The following MANSC4 variants were observed in gnomAD, a reference collection of about 807,000 sequenced individuals.
MANSC4 encodes MANSC domain-containing protein 4.
In MANSC4, 11 loss-of-function variants were observed where a neutral mutation model predicts 11.4. The ratio of observed to expected loss-of-function variants is 0.97; its 90% CI spans 0.61 to 1.60. The LOEUF is 1.60. MANSC4 is among the 40% of genes most tolerant of loss of function. The probability of loss-of-function intolerance (pLI) is 0.00; values close to 1 mark genes in which losing one functional copy is unlikely to be tolerated. For missense variants in MANSC4, 354 were observed against 404.6 expected (o/e 0.88, Z 1.07); for synonymous variants, 123 against 147.1 (o/e 0.84, Z 1.19).
rs1337326171 is a variant in MANSC4, at chr12:27,766,753, A to G, written c.276T>C (p.Asn92=). The change falls in exon 3 of 4, where the codon AAT becomes AAC. Residue 92 remains asparagine, a synonymous_variant. Transcript: ENST00000381273. ...GGCAGTGAACATGGAGGCAGTTGAT[A>G]TTGTCATGAATAGGACTGTGGTAGA... The part of the protein sequence containing the change: ...AVFYHSPIHD[N]INCLHVHCPT... The G allele has an allele frequency of 2.6e-6, 4 of 1,551,744 alleles. No homozygotes were observed. In the East Asian group the frequency reaches 9.8e-5, roughly 38 times the overall value.
chr12:27,777,174 G>C (rs2062122269), intron 1 of MANSC4, among the ~76,000 whole-genome samples: 1 of 152,196 alleles, frequency 6.6e-6, no homozygotes, highest in African/African-American at 2.4e-5. Flanking sequence ...ATGTTACTGT[G>C]CTTGAATTGC....
chr12:27,775,873 T>C (rs566778301), intron 1 of MANSC4, among the ~76,000 whole-genome samples: 1 of 151,850 alleles, frequency 6.6e-6, no homozygotes, highest in East Asian at 1.9e-4. Flanking sequence ...GCGGATTACC[T>C]GAAGTTGGGA....
chr12:27,780,226 G>A lies in MANSC4; in HGVS notation c.-323C>T. ...GGCCCTCACCTCGCCGCTCCTCCCG[G>A]GCCGCCATCCCTCGGCGCCCCGCCC... On this transcript the variant is annotated 5_prime_UTR_variant, in exon 1 of 4. Transcript: ENST00000381273. This position sits in a 1 kb window ranked among gnomAD's most constrained non-coding sequence, Gnocchi z 8.8. 1.8e-6 allele frequency: 2 copies of A among 1,133,066 alleles called. No homozygotes were observed. The highest frequency in any genetic ancestry group is 1.1e-6 in the Non-Finnish European group (1 of 874,798). 70.2% of individuals were successfully genotyped at this position (1,133,066 alleles called of 1,614,324 possible).
At position 27,771,163 on chromosome 12, in the gene MANSC4, G is replaced by A. The variant is rs931926161; in HGVS notation, c.114C>T (p.Phe38=). The change falls in exon 2 of 4, where the codon TTC becomes TTT. Residue 38 remains phenylalanine (F), a synonymous_variant. Coordinates refer to ENST00000381273, the MANE Select transcript of MANSC4 (RefSeq NM_001146221.5). ...IFYRDCWIRR[F]PGLLINLEES... ...CCTCCAGATTGATTAGAAGACCTGG[G>A]AAGCGACGGATCCAGCAGTCTCTGT... 2 of 1,552,020 alleles carry A rather than the reference G, an allele frequency of 1.3e-6. No individual in the cohort carries two copies. Among genetic ancestry groups the A allele is most frequent in the East Asian group, 2.4e-5 (1 of 40,928 alleles).
Position 27,771,380 on chromosome 12 carries a change from G to A in MANSC4, c.-104C>T. The A allele has an allele frequency of 4.1e-6, 4 of 982,966 alleles. No individual in the cohort carries two copies. Among genetic ancestry groups the A allele is most frequent in the Non-Finnish European group, 5.9e-6 (4 of 674,760 alleles). 60.9% of individuals were successfully genotyped at this position (982,966 alleles called of 1,614,324 possible). On this transcript the variant is annotated 5_prime_UTR_variant, in exon 2 of 4. Coordinates refer to ENST00000381273, the MANE Select transcript of MANSC4 (RefSeq NM_001146221.5). Reference sequence around the variant, plus strand: ...TGGAACGTCAGAGGTGTTGTTAAGGGAGAGCTTCCTTGCAGCTTTTCTGGA... The same window carrying A: ...TGGAACGTCAGAGGTGTTGTTAAGGAAGAGCTTCCTTGCAGCTTTTCTGGA...
rs1355063580 is a variant in MANSC4 at position 27,766,698 on chromosome 12, CA to C, written c.330del (p.Gly111GlufsTer9). On this transcript the variant is annotated frameshift_variant, in exon 3 of 4. Transcript: ENST00000381273. LOFTEE classifies it low-confidence loss of function (END_TRUNC). ...ATGTTGTACAAAATGGCACTGGTTC[CA>C]GGCTCTAATATGCAGCTCTCCAGTG... is the stretch of plus-strand genomic sequence containing the variant. The part of the protein sequence containing the change: ...CPTLESCILE[P>X]GTSAILYNIT... 6.4e-7 allele frequency: 1 copy of C among 1,551,626 alleles called. No individual in the cohort carries two copies. Among genetic ancestry groups the C allele is most frequent in the Non-Finnish European group, 8.7e-7 (1 of 1,146,966 alleles).
chr12:27,775,024 AAAATAAATAAATAAATAAAT>A (rs71039849), intron 1 of MANSC4, among the ~76,000 whole-genome samples: 17 of 112,804 alleles, frequency 1.5e-4, no homozygotes, highest in Non-Finnish European at 1.9e-4. Flanking sequence ...ATTCCGTCTC[AAAATAAATAAATAAATAAAT>A]AAATAAATAA....
intron 2 of MANSC4, among the ~76,000 whole-genome samples, 164 bp downstream of exon 2, chr12:27,770,884 C>T (rs1355664892): frequency 6.6e-6 from 1 of 152,138 alleles, no homozygotes; most frequent in Admixed American, 6.5e-5. Context: ...ACTGTGAAAT[C>T]AGTTTCACTG....
At position 27,763,278 on chromosome 12, in the gene MANSC4, GGTTT is replaced by G; in HGVS notation, c.479_482del (p.Gln160ProfsTer4). The G allele has an allele frequency of 6.4e-7, 1 of 1,551,652 alleles. No individual in the cohort carries two copies. The highest frequency in any genetic ancestry group is 8.7e-7 in the Non-Finnish European group (1 of 1,146,998). ...ATGGCAGCATACCATTTATCGTGGTGGTTTGTTTATCTAAATTCATAGCTTTTAG... is the reference window on the plus strand; with the variant it reads ...ATGGCAGCATACCATTTATCGTGGTGGTTTATCTAAATTCATAGCTTTTAG... On this transcript the variant is annotated frameshift_variant, in exon 4 of 4. Coordinates refer to ENST00000381273, the MANE Select transcript of MANSC4 (RefSeq NM_001146221.5). LOFTEE classifies it low-confidence loss of function (END_TRUNC).
At chr12:27,779,314 G>A (rs1415628052) in intron 1 of MANSC4, among the ~76,000 whole-genome samples, 1 of 152,208 alleles carries the variant, frequency 6.6e-6, no homozygotes, top group African/African-American at 2.4e-5. Context: ...TTCCGTAATG[G>A]ACTGGACTGA....
intron 2 of MANSC4, among the ~76,000 whole-genome samples, chr12:27,769,253 T>A (rs1346867473): frequency 6.6e-6 from 1 of 152,232 alleles, no homozygotes; most frequent in Non-Finnish European, 1.5e-5. Flanking sequence ...AAATTTCTGA[T>A]GAGAAAGTAG....
At chr12:27,767,712 C>T (rs1006797672) in intron 2 of MANSC4, among the ~76,000 whole-genome samples, 2 of 152,166 alleles carry the variant, frequency 1.3e-5, no homozygotes, top group South Asian at 4.2e-4. Context: ...ACAACAACAA[C>T]AACAACAAAA....
In MANSC4 at chr12:27,771,133, A is replaced by C; in HGVS notation, c.144T>G (p.Ser48=). ...FPGLLINLEE[S]QKLGAQFLKY... ...TCAAGAACTGGGCTCCCAGCTTCTG[A>C]GACTCCTCCAGATTGATTAGAAGAC... The change falls in exon 2 of 4, where the codon TCT becomes TCG. Residue 48 remains serine, a synonymous_variant. Coordinates refer to ENST00000381273, the MANE Select transcript of MANSC4 (RefSeq NM_001146221.5). The C allele has an allele frequency of 6.4e-7, 1 of 1,551,868 alleles. No individual in the cohort carries two copies. Among genetic ancestry groups the C allele is most frequent in the Non-Finnish European group, 8.7e-7 (1 of 1,147,018 alleles).
chr12:27,762,714 C>CAT lies in MANSC4; in HGVS notation c.*22_*23dup. On this transcript the variant is annotated 3_prime_UTR_variant, in exon 4 of 4. Coordinates refer to ENST00000381273, the MANE Select transcript of MANSC4 (RefSeq NM_001146221.5). ...AAACTAAAAATGATATCCTTGAAAGCATATAATCTTGCTACAGTTTTTACT... is the reference window on the plus strand; with the variant it reads ...AAACTAAAAATGATATCCTTGAAAGCATATATAATCTTGCTACAGTTTTTACT... The CAT allele has an allele frequency of 1.4e-6, 2 of 1,477,026 alleles. No homozygotes were observed. Among genetic ancestry groups the CAT allele is most frequent in the Non-Finnish European group, 1.8e-6 (2 of 1,111,246 alleles). 91.5% of individuals were successfully genotyped at this position (1,477,026 alleles called of 1,614,324 possible).
intron 2 of MANSC4, 30 bp downstream of exon 2, chr12:27,771,018 T>G: frequency 1.3e-6 from 2 of 1,505,890 alleles, no homozygotes; most frequent in Non-Finnish European, 1.8e-6. Context: ...TTTCTTCTTA[T>G]TTTTGCCCAA....
At position 27,771,595 on chromosome 12, in the gene MANSC4, A is replaced by G. The variant is rs542351243; in HGVS notation, c.-306-13T>C. Among the ~76,000 whole-genome samples, 5 of 152,318 alleles carry G rather than the reference A, an allele frequency of 3.3e-5. No individual in the cohort carries two copies. The South Asian group carries it at 8.3e-4, about 25-fold the overall frequency. ...TTTTCTTCTTTCTCTGAAAGTGAAT[A>G]GTCACAGACACCTTTTGCTAAGTAA... On this transcript the variant is annotated splice_polypyrimidine_tract_variant and intron_variant, in intron 1 of 3. Coordinates refer to ENST00000381273, the MANE Select transcript of MANSC4 (RefSeq NM_001146221.5).
At chr12:27,767,720 A>G (rs192098843) in intron 2 of MANSC4, among the ~76,000 whole-genome samples, 27 of 152,176 alleles carry the variant, frequency 1.8e-4, no homozygotes, top group African/African-American at 6.3e-4. Flanking sequence ...AACAACAACA[A>G]AACCCTGGGG....
Position 27,762,785 on chromosome 12 carries a change from A to T in MANSC4, c.976T>A (p.Ser326Thr), listed in dbSNP as rs10842975. 0.5 allele frequency: 765,430 copies of T among 1,546,034 alleles called. 190,883 individuals are homozygous for T. The highest frequency in any genetic ancestry group is 0.62 in the Admixed American group (30,742 of 49,860). Residue 326 changes from serine to threonine, a missense_variant, in exon 4 of 4, where the codon TCC becomes ACC. Physicochemically the swap from Ser to Thr is moderately conservative, Grantham distance 58. Coordinates refer to ENST00000381273, the MANE Select transcript of MANSC4 (RefSeq NM_001146221.5). ...TGGTTACGGTTTTTAATTTGCAAGGATCCTGATTTTCTCTGTCCTGGTTTA... is the reference window on the plus strand; with the variant it reads ...TGGTTACGGTTTTTAATTTGCAAGGTTCCTGATTTTCTCTGTCCTGGTTTA... ...QYKPGQRKSG[S>T]LQIKNRNHMK... is the part of the protein sequence containing the mutation.
intron 1 of MANSC4, chr12:27,779,952 C>A (rs1211036415): frequency 6.6e-6 from 1 of 151,306 alleles, no homozygotes; most frequent in African/African-American, 2.4e-5. Flanking sequence ...CCGGATCCAG[C>A]CGGCAGGTCA....
Sources: allele counts gnomAD v4.1 joint callset (sites outside exome capture counted in the v4.1 genomes callset), GRCh38; gene constraint gnomAD v4.1.1; non-coding constraint Gnocchi (gnomAD v3.1); transcripts MANE v1.5; gene names NCBI Gene and HGNC (gene_info 2026-07-23, HGNC 2026-07-21).